Variants in CACNA2D3 observed in about 807,000 individuals in gnomAD.
CACNA2D3 encodes the protein calcium voltage-gated channel auxiliary subunit alpha2delta 3, also known as voltage-dependent calcium channel subunit alpha-2/delta-3.
In CACNA2D3, 60 loss-of-function variants were observed where a neutral mutation model predicts 160.6. The observed-to-expected ratio is 0.37, with a 90% confidence interval of 0.30 to 0.46. CACNA2D3 has a LOEUF of 0.46. Among genes scored for constraint, CACNA2D3 ranks in the 20% least tolerant of loss-of-function variants. The pLI is 1.00. For missense variants in CACNA2D3, 1,205 were observed against 1,365.0 expected (o/e 0.88, Z 1.85); for synonymous variants, 558 against 492.9 (o/e 1.13, Z -1.75).
In CACNA2D3 at chr3:54,626,757, G is replaced by C. The variant is rs559697769; in HGVS notation, c.964-1030G>C. 6.9e-4 allele frequency: 442 copies of C among 643,700 alleles called. 1 individual carries two copies. The African/African-American group carries it at 7.5e-3, about 11-fold the overall frequency. 39.9% of individuals were successfully genotyped at this position (643,700 alleles called of 1,614,324 possible). A position where few individuals can be genotyped will look rare whatever the true frequency, so the allele number is the denominator to read the frequency against. On this transcript the variant is annotated intron_variant, in intron 9 of 37. Transcript: ENST00000474759. ...GAATGCAGTGACTGGAAAGCAAAGC[G>C]AGGCCGTGGTGCCACCATGGGTGTG...
intron 11 of CACNA2D3, among the ~76,000 whole-genome samples, chr3:54,648,522 C>T (rs1250143988): frequency 6.6e-6 from 1 of 152,232 alleles, no homozygotes; most frequent in Non-Finnish European, 1.5e-5. Flanking sequence ...TTGAGATACC[C>T]TCAGAATTTC....
intron 4 of CACNA2D3, among the ~76,000 whole-genome samples, chr3:54,486,390 CCA>C (rs1701015831): frequency 6.6e-6 from 1 of 152,116 alleles, no homozygotes; most frequent in South Asian, 2.1e-4. Flanking sequence ...TTCAGGGAAG[CCA>C]ACCTAACTGC....
At chr3:54,345,790 A>G (rs373538940) in intron 3 of CACNA2D3, among the ~76,000 whole-genome samples, 7 of 151,858 alleles carry the variant, frequency 4.6e-5, no homozygotes, top group African/African-American at 1.5e-4. Flanking sequence ...AGTCTTTGCA[A>G]TCTTAGATAG....
rs937202871 is a variant in CACNA2D3 at position 54,464,731 on chromosome 3, T to G, written c.382-38761T>G. Among the ~76,000 whole-genome samples the G allele has an allele frequency of 2.0e-5, 3 of 152,230 alleles. No individual in the cohort carries two copies. The South Asian group carries it at 6.2e-4, about 32-fold the overall frequency. On this transcript the variant is annotated intron_variant, in intron 4 of 37. Coordinates refer to ENST00000474759, the MANE Select transcript of CACNA2D3 (RefSeq NM_018398.3). ...TCCCTGACCCCTCGCGCTTCCTGAGTGAGGCAATGCCTCGCCGTGCTTCGG... is the reference window on the plus strand; with the variant it reads ...TCCCTGACCCCTCGCGCTTCCTGAGGGAGGCAATGCCTCGCCGTGCTTCGG...
At chr3:54,860,518 A>G (rs1526596) in intron 17 of CACNA2D3, among the ~76,000 whole-genome samples, 66,710 of 151,990 alleles carry the variant, frequency 0.44, 14,987 homozygotes, top group African/African-American at 0.5. Context: ...ATGTTTATCC[A>G]GGCTGAAATA....
chr3:54,173,142 A>G (rs1700608300), intron 2 of CACNA2D3, among the ~76,000 whole-genome samples: 1 of 152,220 alleles, frequency 6.6e-6, no homozygotes, highest in South Asian at 2.1e-4. Context: ...GGAGTACATC[A>G]GCAATATGAA....
intron 27 of CACNA2D3, among the ~76,000 whole-genome samples, chr3:54,964,284 T>A (rs780239694): frequency 2.2e-4 from 34 of 152,156 alleles, no homozygotes; most frequent in Non-Finnish European, 3.8e-4. Flanking sequence ...TGATGAAGAT[T>A]CCCAGCAGGG....
intron 4 of CACNA2D3, among the ~76,000 whole-genome samples, chr3:54,475,501 A>G (rs923608272): frequency 6.6e-6 from 1 of 152,076 alleles, no homozygotes; most frequent in Non-Finnish European, 1.5e-5. Context: ...TCTTCTTTTA[A>G]GAAAGTTAGT....
At chr3:54,266,414 A>G (rs938481139) in intron 2 of CACNA2D3, among the ~76,000 whole-genome samples, 1 of 152,192 alleles carries the variant, frequency 6.6e-6, no homozygotes, top group African/African-American at 2.4e-5. Flanking sequence ...TTCTGAATTC[A>G]TGTGTTTTAG....
At chr3:54,437,339 A>G (rs766473369) in intron 4 of CACNA2D3, among the ~76,000 whole-genome samples, 1 of 152,232 alleles carries the variant, frequency 6.6e-6, no homozygotes, top group South Asian at 2.1e-4. Flanking sequence ...ATTACAGGCA[A>G]TGCACAATGG....
At chr3:54,664,726 C>T (rs941548877) in intron 11 of CACNA2D3, among the ~76,000 whole-genome samples, 1 of 152,180 alleles carries the variant, frequency 6.6e-6, no homozygotes, top group African/African-American at 2.4e-5. Flanking sequence ...GTGAGACCTC[C>T]TGTAGATGGG....
chr3:54,419,929 C>T (rs1699812014), intron 4 of CACNA2D3, among the ~76,000 whole-genome samples: 1 of 151,930 alleles, frequency 6.6e-6, no homozygotes, highest in Non-Finnish European at 1.5e-5. Context: ...CCATGCCTGG[C>T]TAATTTTTGT....
chr3:55,074,128 G>C lies in CACNA2D3; in HGVS notation c.3198G>C (p.Glu1066Asp). 1.2e-6 allele frequency: 2 copies of C among 1,613,758 alleles called. No individual in the cohort carries two copies. The highest frequency in any genetic ancestry group is 1.7e-6 in the Non-Finnish European group (2 of 1,179,698). Reference sequence around the variant, plus strand: ...TTTCCCCATAGGAGAATGCAAGGGAGTGTGGGGGTGCGCCGAGTCTCCAAG... The same window carrying C: ...TTTCCCCATAGGAGAATGCAAGGGACTGTGGGGGTGCGCCGAGTCTCCAAG... ...HGFHPEENAR[E>D]CGGAPSLQAQ... The change falls in exon 38 of 38, where the codon GAG becomes GAC. Residue 1066 changes from glutamate (E) to aspartate (D), a missense_variant. Transcript: ENST00000474759.
intron 17 of CACNA2D3, among the ~76,000 whole-genome samples, chr3:54,860,015 AAC>A (rs781001453): frequency 1.2e-5 from 1 of 80,198 alleles, no homozygotes; most frequent in Non-Finnish European, 2.7e-5. Flanking sequence ...CACACACACA[AAC>A]ACACATATTC....
At chr3:54,764,454 C>T (rs1702180575) in intron 13 of CACNA2D3, 103 bp downstream of exon 13, 1 of 1,386,548 alleles carries the variant, frequency 7.2e-7, no homozygotes, top group Non-Finnish European at 9.9e-7. Flanking sequence ...TTTTTGTGTT[C>T]AGTGACACTT....
intron 11 of CACNA2D3, among the ~76,000 whole-genome samples, chr3:54,681,382 CAAAAAAAAAAAAA>C (rs565556596): frequency 2.9e-4 from 18 of 62,096 alleles, no homozygotes; most frequent in Middle Eastern, 0.01. Flanking sequence ...ACTAAAAATA[CAAAAAAAAAAAAA>C]AAAAAAAAAA....
intron 9 of CACNA2D3, among the ~76,000 whole-genome samples, chr3:54,619,216 G>A (rs1224707458): frequency 6.6e-6 from 1 of 152,190 alleles, no homozygotes; most frequent in African/African-American, 2.4e-5. Flanking sequence ...CAAGAAGGAC[G>A]ATGAGCTCAC....
intron 13 of CACNA2D3, among the ~76,000 whole-genome samples, chr3:54,767,099 A>G (rs545626884): frequency 6.6e-6 from 1 of 152,008 alleles, no homozygotes; most frequent in South Asian, 2.1e-4. Flanking sequence ...AGAAAATGAC[A>G]CAACTCTGAG....
chr3:54,986,311 G>T (rs1213709122), intron 30 of CACNA2D3, among the ~76,000 whole-genome samples: 1 of 152,140 alleles, frequency 6.6e-6, no homozygotes, highest in African/African-American at 2.4e-5. Flanking sequence ...GATAGACCCA[G>T]TGAGTTTGCC....
Sources: gnomAD v4.1 joint callset for allele counts (sites outside exome capture counted in the v4.1 genomes callset) on GRCh38, gnomAD v4.1.1 for gene constraint, MANE v1.5 for transcripts, NCBI Gene and HGNC (gene_info 2026-07-23, HGNC 2026-07-21) for gene names.